Variants in XYLT1 observed in about 807,000 individuals in gnomAD.
The protein encoded by XYLT1 is xylosyltransferase 1.
Under a neutral mutation model 91.3 loss-of-function variants are expected in XYLT1, and 36 were observed. The observed-to-expected ratio is 0.39, with a 90% CI of 0.30 to 0.52. The LOEUF (loss-of-function observed/expected upper bound fraction) is 0.52, where lower values mean the gene tolerates loss of function less well. XYLT1 is among the 20% of genes least tolerant of loss of function. XYLT1 has a pLI of 0.68. For missense variants in XYLT1, 1,242 were observed against 1,284.5 expected (o/e 0.97, Z 0.51); for synonymous variants, 588 against 532.0 (o/e 1.11, Z -1.45).
intron 3 of XYLT1, among the ~76,000 whole-genome samples, chr16:17,210,533 C>T (rs1408788329): frequency 2.6e-5 from 4 of 152,060 alleles, no homozygotes; most frequent in African/African-American, 9.7e-5. Context: ...GCCAAGATCA[C>T]ACCATTGCAC....
chr16:17,138,521 T>TGGAAGAAGGACTGCAGGGGAG lies in XYLT1; in HGVS notation c.1588-11_1597dup (p.Phe532_His533insProProLeuGlnSerPhePhe). The TGGAAGAAGGACTGCAGGGGAG allele has an allele frequency of 1.2e-6, 2 of 1,613,104 alleles. No homozygotes were observed. Reference sequence around the variant, plus strand: ...GTGGGGGCTGTTCTCCAGGACCGTATGGAAGAAGGACTGCAGGGGAGAGAG... The same window carrying TGGAAGAAGGACTGCAGGGGAG: ...GTGGGGGCTGTTCTCCAGGACCGTATGGAAGAAGGACTGCAGGGGAGGGAAGAAGGACTGCAGGGGAGAGAG... On this transcript the variant is annotated inframe_insertion, in exon 8 of 12. Transcript: ENST00000261381.
intron 3 of XYLT1, among the ~76,000 whole-genome samples, chr16:17,218,362 G>GT (rs34493078): frequency 0.29 from 42,734 of 146,266 alleles, 7,152 homozygotes; most frequent in East Asian, 0.54. Context: ...GCGGACTTTT[G>GT]TTTTTTTTTT....
intron 2 of XYLT1, among the ~76,000 whole-genome samples, chr16:17,343,076 C>G (rs780393086): frequency 6.6e-6 from 1 of 152,216 alleles, no homozygotes; most frequent in African/African-American, 2.4e-5. Flanking sequence ...AAACACCTCA[C>G]GGCCAACATG....
chr16:17,150,723 T>G (rs1285184123), intron 6 of XYLT1, among the ~76,000 whole-genome samples: 1 of 152,110 alleles, frequency 6.6e-6, no homozygotes, highest in African/African-American at 2.4e-5. Context: ...TTCTAATAAG[T>G]AAGTAGACAT....
At chr16:17,300,749 G>A (rs539888131) in intron 2 of XYLT1, among the ~76,000 whole-genome samples, 59 of 151,898 alleles carry the variant, frequency 3.9e-4, no homozygotes, top group Admixed American at 2.6e-3. Flanking sequence ...GTGAACCACC[G>A]CGCCCAGCCT....
intron 10 of XYLT1, among the ~76,000 whole-genome samples, chr16:17,122,870 C>A (rs886871261): frequency 1.3e-5 from 2 of 151,980 alleles, no homozygotes; most frequent in Non-Finnish European, 2.9e-5. Flanking sequence ...TTTTGTGTGC[C>A]GTGTTGAAGA....
intron 2 of XYLT1, among the ~76,000 whole-genome samples, chr16:17,303,948 T>C (rs770656125): frequency 6.6e-6 from 1 of 152,118 alleles, no homozygotes; most frequent in South Asian, 2.1e-4. Context: ...ACACACAAGA[T>C]ACAGGAACAA....
intron 5 of XYLT1, among the ~76,000 whole-genome samples, chr16:17,189,006 A>G (rs566212902): frequency 1.3e-5 from 2 of 152,260 alleles, no homozygotes; most frequent in South Asian, 4.1e-4. Flanking sequence ...TGCTTAGCAC[A>G]GTGTCCAACA....
chr16:17,126,232 C>T (rs929108997), intron 10 of XYLT1, among the ~76,000 whole-genome samples: 10 of 152,314 alleles, frequency 6.6e-5, no homozygotes, highest in South Asian at 4.2e-4. Context: ...AGCCATGGAG[C>T]GGCCAACATC....
chr16:17,290,550 C>A lies in XYLT1; in HGVS notation c.403-31052G>T, dbSNP rs13337429. On this transcript the variant is annotated intron_variant, in intron 2 of 11. Transcript: ENST00000261381. ...TGTGTTCAGAATCCCCTACTGTACT[C>A]TTAGCTCCCCAAACTGTTGAATCGA... Among the ~76,000 whole-genome samples the A allele has an allele frequency of 7.4e-3, 1,121 of 152,352 alleles. 13 individuals are homozygous for A. Among genetic ancestry groups the A allele is most frequent in the African/African-American group, 0.025 (1,044 of 41,576 alleles).
At chr16:17,402,601 CA>C (rs1319342512) in intron 1 of XYLT1, among the ~76,000 whole-genome samples, 4 of 152,052 alleles carry the variant, frequency 2.6e-5, no homozygotes, top group Non-Finnish European at 4.4e-5. Context: ...AAGACATGGA[CA>C]AAAAGAAGCT....
chr16:17,127,980 T>C, intron 9 of XYLT1, 119 bp from the exon 10 acceptor site: 1 of 848,896 alleles, frequency 1.2e-6, no homozygotes, highest in Admixed American at 3.0e-5. Flanking sequence ...ATGCCTACTG[T>C]TTTCCTTGCG....
At chr16:17,341,332 G>A (rs1032468344) in intron 2 of XYLT1, among the ~76,000 whole-genome samples, 19 of 152,218 alleles carry the variant, frequency 1.2e-4, no homozygotes, top group Non-Finnish European at 1.3e-4. Flanking sequence ...CCCAGAGACT[G>A]TGACAGGTGC....
At chr16:17,337,421 G>A (rs2034997690) in intron 2 of XYLT1, among the ~76,000 whole-genome samples, 1 of 152,154 alleles carries the variant, frequency 6.6e-6, no homozygotes, top group Non-Finnish European at 1.5e-5. Context: ...TAGGGCTCAA[G>A]CGATTGGCCA....
At chr16:17,188,727 G>A (rs1385967652) in intron 5 of XYLT1, among the ~76,000 whole-genome samples, 1 of 152,090 alleles carries the variant, frequency 6.6e-6, no homozygotes, top group Non-Finnish European at 1.5e-5. Flanking sequence ...TAATAACCAT[G>A]GCTATCACAT....
intron 2 of XYLT1, chr16:17,354,801 C>T (rs765899469): frequency 3.3e-5 from 5 of 152,234 alleles, no homozygotes; most frequent in Non-Finnish European, 7.3e-5. Flanking sequence ...AGGGACCTGA[C>T]CCCCTTGTCT....
At chr16:17,311,984 G>A (rs1204794110) in intron 2 of XYLT1, among the ~76,000 whole-genome samples, 1 of 152,140 alleles carries the variant, frequency 6.6e-6, no homozygotes, top group South Asian at 2.1e-4. Flanking sequence ...CATGGAGGGA[G>A]GGAATTATAG....
chr16:17,437,116 C>T (rs1018128071), intron 1 of XYLT1, among the ~76,000 whole-genome samples: 2 of 152,096 alleles, frequency 1.3e-5, no homozygotes, highest in African/African-American at 4.8e-5. Flanking sequence ...TGAGTGAAGC[C>T]GAGCTCTAAA....
intron 1 of XYLT1, among the ~76,000 whole-genome samples, chr16:17,362,691 C>G (rs1359682510): frequency 1.3e-5 from 2 of 152,216 alleles, no homozygotes; most frequent in Admixed American, 6.5e-5. Context: ...ATACATCAAA[C>G]CTATCTGGCT....
Sources: gnomAD v4.1 joint callset for allele counts (sites outside exome capture counted in the v4.1 genomes callset) on GRCh38, gnomAD v4.1.1 for gene constraint, MANE v1.5 for transcripts, NCBI Gene and HGNC (gene_info 2026-07-23, HGNC 2026-07-21) for gene names.